KMT2D: variants seen among roughly 807,000 people sequenced by gnomAD.
The protein encoded by KMT2D is histone-lysine N-methyltransferase 2D.
KMT2D carries 55 observed loss-of-function variants against 512.7 expected under a neutral mutation model. The ratio of observed to expected loss-of-function variants is 0.11; its 90% CI spans 0.09 to 0.13. The LOEUF (loss-of-function observed/expected upper bound fraction) is 0.13. Among genes scored for constraint, KMT2D ranks in the 10% least tolerant of loss-of-function variants. The pLI is 1.00. For synonymous variants in KMT2D, 2,995 were observed against 2,904.0 expected, an observed-to-expected ratio of 1.03 and a Z score of -1.01; for missense variants, 6,061 against 7,127.9, an observed-to-expected ratio of 0.85 and a Z score of 5.39.
At position 49,021,483 on chromosome 12, in the gene KMT2D, GC is replaced by G. The variant is rs745739172; in HGVS notation, c.*296del. 8.0e-5 allele frequency: 37 copies of G among 462,740 alleles called. No homozygotes were observed. Among genetic ancestry groups the G allele is most frequent in the Non-Finnish European group, 1.4e-4 (35 of 256,362 alleles). The allele number at this position is 462,740 out of a possible 1,614,324, so 28.7% of individuals were successfully genotyped here. On this transcript the variant is annotated 3_prime_UTR_variant, in exon 55 of 55. Transcript: ENST00000301067. ...CCCAGATGCTTCTGGGTAGTTCCCG[GC>G]CCATATCCCCCTCAAACCTGAGATG...
intron 43 of KMT2D, 68 bp downstream of exon 43, chr12:49,030,212 C>T (rs948724890): frequency 1.5e-6 from 2 of 1,377,774 alleles, no homozygotes; most frequent in African/African-American, 2.9e-5. Context: ...CTAAACTGTA[C>T]AGCATACTAA....
Position 49,030,388 on chromosome 12 carries a change from G to T in KMT2D, c.13891C>A (p.Pro4631Thr). ...ACCATCTTCTGCTGCACCGATGGGGGTGGGGTGGGGGGCAGCGACGAGGGT... is the reference window on the plus strand; with the variant it reads ...ACCATCTTCTGCTGCACCGATGGGGTTGGGGTGGGGGGCAGCGACGAGGGT... ...TPPSSLPPTP[P>T]PSVQQKMVNG... is the part of the protein sequence containing the mutation. The change falls in exon 43 of 55, where the codon CCC becomes ACC. Residue 4631 changes from proline to threonine, a missense_variant. Pro to Thr is a conservative substitution (Grantham distance 38). Around this residue, in one of 16 missense-constraint regions of KMT2D, gnomAD observed 1,600 missense variants for 1,754.9 expected, o/e 0.91. Coordinates refer to ENST00000301067, the MANE Select transcript of KMT2D (RefSeq NM_003482.4). The T allele has an allele frequency of 1.9e-6, 3 of 1,586,482 alleles. No homozygotes were observed. Among genetic ancestry groups the T allele is most frequent in the Non-Finnish European group, 2.6e-6 (3 of 1,162,978 alleles).
At position 49,041,312 on chromosome 12, in the gene KMT2D, G is replaced by C. The variant is rs1165783291; in HGVS notation, c.6458C>G (p.Pro2153Arg). 6.5e-7 allele frequency: 1 copy of C among 1,536,230 alleles called. No homozygotes were observed. Among genetic ancestry groups the C allele is most frequent in the Non-Finnish European group, 8.7e-7 (1 of 1,144,400 alleles). ...LKPPAGSVPG[P>R]DSPGELFLKL... ...GAGGAAGAGCTCACCAGGCGAGTCA[G>C]GGCCAGGCACCGAGCCCGCCGGCGG... Residue 2153 changes from proline (P) to arginine (R), a missense_variant, in exon 32 of 55, where the codon CCT (proline) becomes CGT (arginine). This residue lies in a region of KMT2D where 710 missense variants were observed against 647.3 expected (regional missense o/e 1.10). Transcript: ENST00000301067. The surrounding 1 kb of genome is among the most constrained non-coding windows in gnomAD (Gnocchi z 5.4).
chr12:49,029,008 C>A (rs2120389583), intron 45 of KMT2D, 50 bp from the exon 46 acceptor site: 1 of 1,608,218 alleles, frequency 6.2e-7, no homozygotes, highest in South Asian at 1.1e-5. Flanking sequence ...TCTCCCCCAG[C>A]TTCGGACAAC....
rs2120568257 is a variant in KMT2D, at chr12:49,043,410, A to G, written c.5486T>C (p.Ile1829Thr). The G allele has an allele frequency of 6.2e-7, 1 of 1,613,982 alleles. No homozygotes were observed. The highest frequency in any genetic ancestry group is 8.5e-7 in the Non-Finnish European group (1 of 1,179,878). ...GAGGCCACGGGATTCTTCATCTGCA[A>G]TATCTGGACCATCATCTCCTATGAG... ...TSQKGDDGPD[I>T]ADEESRGLEG... is the part of the protein sequence containing the mutation. Residue 1829 changes from isoleucine to threonine, a missense_variant, in exon 25 of 55, where the codon ATT (isoleucine) becomes ACT (threonine). By Grantham distance (89) the Ile-to-Thr change is moderately conservative (BLOSUM62 -1). Around this residue, in one of 16 missense-constraint regions of KMT2D, gnomAD observed 640 missense variants for 814.3 expected, o/e 0.79. Coordinates refer to ENST00000301067, the MANE Select transcript of KMT2D (RefSeq NM_003482.4).
chr12:49,053,895 T>TG, intron 6 of KMT2D, 83 bp downstream of exon 6: 1 of 1,416,994 alleles, frequency 7.1e-7, no homozygotes, highest in African/African-American at 1.4e-5. Flanking sequence ...TGCTATACTT[T>TG]GATCAGTGCT....
At position 49,024,479 on chromosome 12, in the gene KMT2D, C is replaced by A; in HGVS notation, c.16052+99G>T. 1 of 1,455,624 alleles carries A rather than the reference C, an allele frequency of 6.9e-7. No homozygotes were observed. Among genetic ancestry groups the A allele is most frequent in the Non-Finnish European group, 9.2e-7 (1 of 1,083,038 alleles). The allele number at this position is 1,455,624 out of a possible 1,614,324, so 90.2% of individuals were successfully genotyped here. A position where few individuals can be genotyped will look rare whatever the true frequency, so the allele number is the denominator to read the frequency against. ...TAAGAGTGATTCCCCATTTTCTCCA[C>A]GGGAACTCTGATCTGTATCCTAAAT... On this transcript the variant is annotated intron_variant, in intron 51 of 54. Transcript: ENST00000301067. The surrounding 1 kb of genome is among the most constrained non-coding windows in gnomAD (Gnocchi z 4.5).
At chr12:49,035,118 G>A (rs1418347834) in intron 35 of KMT2D, among the ~76,000 whole-genome samples, 183 bp from the exon 36 acceptor site, 1 of 152,098 alleles carries the variant, frequency 6.6e-6, no homozygotes, top group Non-Finnish European at 1.5e-5. Flanking sequence ...AGGACATGTG[G>A]GCCTGTTTTT....
rs3782357 is a variant in KMT2D, at chr12:49,033,869, C to T, written c.10836G>A (p.Gln3612=). 611,141 of 1,554,972 alleles carry T rather than the reference C, an allele frequency of 0.39. 122,526 individuals are homozygous for T. The highest frequency in any genetic ancestry group is 0.54 in the African/African-American group (39,516 of 73,332). Residue 3612 remains glutamine, a synonymous_variant, in exon 40 of 55, where the codon CAG becomes CAA. Transcript: ENST00000301067. ...QQQQQQQQQQ[Q]HSAVLALSPS... Reference sequence around the variant, plus strand: ...GGCTGAGAGCCAGCACAGCTGAGTGCTGTTGCTGTTGTTGCTGCTGCTGCT... The same window carrying T: ...GGCTGAGAGCCAGCACAGCTGAGTGTTGTTGCTGTTGTTGCTGCTGCTGCT...
intron 48 of KMT2D, 142 bp from the exon 49 acceptor site, chr12:49,027,464 T>C: frequency 1.3e-6 from 1 of 746,492 alleles, no homozygotes; most frequent in Non-Finnish European, 2.1e-6. Context: ...TTTTCTTTTT[T>C]TTTTGAGACA....
Position 49,043,737 on chromosome 12 carries a change from G to C in KMT2D, c.5365C>G (p.Leu1789Val), listed in dbSNP as rs1943649779. The change falls in exon 24 of 55, where the codon CTT (leucine) becomes GTT (valine). Residue 1789 changes from leucine to valine, a missense_variant. Around this residue, in one of 16 missense-constraint regions of KMT2D, gnomAD observed 640 missense variants for 814.3 expected, o/e 0.79. Transcript: ENST00000301067. ...KELLDLSRKA[L>V]FAVGVGRPSF... Reference sequence around the variant, plus strand: ...GGCCGGCCCACCCCAACTGCAAAAAGGGCCTTACGGCTCAGGTCCAGCAGC... The same window carrying C: ...GGCCGGCCCACCCCAACTGCAAAAACGGCCTTACGGCTCAGGTCCAGCAGC... The C allele has an allele frequency of 1.2e-6, 2 of 1,613,890 alleles. No homozygotes were observed. Among genetic ancestry groups the C allele is most frequent in the Non-Finnish European group, 1.7e-6 (2 of 1,179,814 alleles).
rs1057519595 is a variant in KMT2D at position 49,050,593 on chromosome 12, TA to T, written c.2994del (p.Met999Ter). Reference protein sequence around the residue: ...ANCTDPEPVPPMILPPSPGSP... With the variant: ...ANCTDPEPVPXMILPPSPGSP... The stretch of plus-strand genomic sequence containing the variant: ...GAGCCTGGAGATGGGGGAAGGATCA[TA>T]GGGGGGACAGGCTCAGGGTCAGTGC... On this transcript the variant is annotated frameshift_variant, in exon 12 of 55. Coordinates refer to ENST00000301067, the MANE Select transcript of KMT2D (RefSeq NM_003482.4). LOFTEE classifies it high-confidence loss of function. 6.2e-7 allele frequency: 1 copy of T among 1,606,660 alleles called. No homozygotes were observed. Among genetic ancestry groups the T allele is most frequent in the East Asian group, 2.2e-5 (1 of 44,650 alleles).
chr12:49,055,874 T>G (rs1435266645), intron 1 of KMT2D, among the ~76,000 whole-genome samples: 3 of 152,164 alleles, frequency 2.0e-5, no homozygotes, highest in Non-Finnish European at 4.4e-5. Flanking sequence ...TGTAACACAC[T>G]ACTGGAACTA....
At chr12:49,057,528 C>T (rs1938482106) in intron 1 of KMT2D, among the ~76,000 whole-genome samples, 1 of 152,132 alleles carries the variant, frequency 6.6e-6, no homozygotes, top group African/African-American at 2.4e-5. Context: ...AAAGCCAGAG[C>T]CCATTCATGG....
At position 49,029,204 on chromosome 12, in the gene KMT2D, T is replaced by A. The variant is rs764223329; in HGVS notation, c.14108A>T (p.Asp4703Val). Residue 4703 changes from aspartate (D) to valine (V), a missense_variant, in exon 45 of 55, where the codon GAC becomes GTC. Around this residue, in one of 16 missense-constraint regions of KMT2D, gnomAD observed 1,600 missense variants for 1,754.9 expected, o/e 0.91. Coordinates refer to ENST00000301067, the MANE Select transcript of KMT2D (RefSeq NM_003482.4). Reference sequence around the variant, plus strand: ...AGGGGATGAAGCTGGCACAATGCTGTCAGGAGAATCGCTATCCTCATCACT... The same window carrying A: ...AGGGGATGAAGCTGGCACAATGCTGACAGGAGAATCGCTATCCTCATCACT... ...MESDEDSDSP[D>V]SIVPASSPES... 5.6e-6 allele frequency: 9 copies of A among 1,613,886 alleles called. No individual in the cohort carries two copies. The highest frequency in any genetic ancestry group is 7.6e-6 in the Non-Finnish European group (9 of 1,179,786).
Position 49,041,251 on chromosome 12 carries a change from C to G in KMT2D, c.6519G>C (p.Ser2173=), listed in dbSNP as rs759939367. Residue 2173 remains serine (S), a synonymous_variant, in exon 32 of 55, where the codon TCG becomes TCC. Transcript: ENST00000301067. The surrounding 1 kb of genome is among the most constrained non-coding windows in gnomAD (Gnocchi z 5.4). ...CAGGGGCCAGTCCAAAGGGGTCCTG[C>G]GAAGGCACTTGGGCGGGCACCTGGG... is the stretch of plus-strand genomic sequence containing the variant. The part of the protein sequence containing the change: ...LPPQVPAQVP[S]QDPFGLAPAY... 6.6e-7 allele frequency: 1 copy of G among 1,516,164 alleles called. No homozygotes were observed. Among genetic ancestry groups the G allele is most frequent in the Admixed American group, 2.3e-5 (1 of 43,614 alleles). The allele number at this position is 1,516,164 out of a possible 1,614,324, so 93.9% of individuals were successfully genotyped here.
Position 49,037,799 on chromosome 12 carries a change from C to T in KMT2D, c.9557G>A (p.Gly3186Glu), listed in dbSNP as rs766004779. 1.9e-6 allele frequency: 3 copies of T among 1,596,576 alleles called. No homozygotes were observed. The South Asian group carries it at 3.4e-5, about 18-fold the overall frequency. The change falls in exon 35 of 55, where the codon GGG becomes GAG. Residue 3186 changes from glycine (G) to glutamate (E), a missense_variant. By Grantham distance (98) the Gly-to-Glu change is moderately conservative. This residue lies in a region of KMT2D where 533 missense variants were observed against 539.6 expected (regional missense o/e 0.99). Transcript: ENST00000301067. ...GTGAGCTGGTGGTCCTCCCGTGGCC[C>T]CAAAGGAGGCCTTCTCAGCTGTGTG... ...SGHTAEKASF[G>E]ATGGPPAHLL...
In KMT2D at chr12:49,019,215, C is replaced by T; in HGVS notation, c.*2565G>A. 1 of 994,372 alleles carries T rather than the reference C, an allele frequency of 1.0e-6. No homozygotes were observed. The highest frequency in any genetic ancestry group is 1.2e-6 in the Non-Finnish European group (1 of 811,840). The allele number at this position is 994,372 out of a possible 1,614,324, so 61.6% of individuals were successfully genotyped here. A position where few individuals can be genotyped will look rare whatever the true frequency, so the allele number is the denominator to read the frequency against. On this transcript the variant is annotated 3_prime_UTR_variant, in exon 55 of 55. Transcript: ENST00000301067. ...CTTGCTGTACAGGATACACACAACA[C>T]AAAATAAAGTCTTCACGGGATTCAC... is the stretch of plus-strand genomic sequence containing the variant.
In KMT2D at chr12:49,054,502, T is replaced by C. The variant is rs2120710126; in HGVS notation, c.400+26A>G. On this transcript the variant is annotated intron_variant, in intron 4 of 54. Transcript: ENST00000301067. This position sits in a 1 kb window ranked among gnomAD's most constrained non-coding sequence, Gnocchi z 6.4. The stretch of plus-strand genomic sequence containing the variant: ...TCAGGACTACCCAGCCCTTATCCCA[T>C]TTCCTGCCCCATTCTCCTCACTCAC... 1.9e-6 allele frequency: 3 copies of C among 1,594,180 alleles called. No individual in the cohort carries two copies. Among genetic ancestry groups the C allele is most frequent in the African/African-American group, 1.3e-5 (1 of 74,498 alleles).
Sources: allele counts gnomAD v4.1 joint callset (sites outside exome capture counted in the v4.1 genomes callset), GRCh38; gene constraint gnomAD v4.1.1; regional missense constraint gnomAD v4.1.1; non-coding constraint Gnocchi (gnomAD v3.1); transcripts MANE v1.5; gene names NCBI Gene and HGNC (gene_info 2026-07-23, HGNC 2026-07-21).